The following NFASC variants were observed in gnomAD, a reference collection of about 807,000 sequenced individuals.
NFASC encodes neurofascin homolog.
In NFASC, 43 loss-of-function variants were observed where a neutral mutation model predicts 147.5. The observed-to-expected ratio is 0.29, with a 90% CI of 0.23 to 0.38. NFASC has a LOEUF of 0.38. NFASC is among the 10% of genes least tolerant of loss of function. The probability of loss-of-function intolerance (pLI) is 1.00; values close to 1 mark genes in which losing one functional copy is unlikely to be tolerated. For missense variants in NFASC, 1,320 were observed against 1,689.0 expected, an observed-to-expected ratio of 0.78 and a Z score of 3.83; for synonymous variants, 622 against 665.5, an observed-to-expected ratio of 0.93 and a Z score of 1.01.
At chr1:204,843,008 G>T (rs1268200371) in intron 1 of NFASC, among the ~76,000 whole-genome samples, 3 of 152,216 alleles carry the variant, frequency 2.0e-5, no homozygotes, top group Non-Finnish European at 4.4e-5. Context: ...TCAGGTGCTG[G>T]CTCCATTCTG....
chr1:204,923,304 A>G (rs1263321992), intron 2 of NFASC, among the ~76,000 whole-genome samples: 1 of 152,036 alleles, frequency 6.6e-6, no homozygotes, highest in Non-Finnish European at 1.5e-5. Context: ...AGCTGCCCCA[A>G]GCGTCTGCTC....
rs2096241158 is a variant in NFASC, at chr1:205,010,829, G to T, written c.3421+1141G>T. On this transcript the variant is annotated intron_variant, in intron 28 of 29. Transcript: ENST00000339876. This position sits in a 1 kb window ranked among gnomAD's most constrained non-coding sequence, Gnocchi z 4.1. The stretch of plus-strand genomic sequence containing the variant: ...GAGGCAGGAGAATCACTTGAACCTG[G>T]GAGGCAGAGGTTGCAGTGAGCCGAA... 6.6e-6 allele frequency: 1 copy of T among 150,498 alleles called. No individual in the cohort carries two copies. Among genetic ancestry groups the T allele is most frequent in the Non-Finnish European group, 1.5e-5 (1 of 67,560 alleles). The allele number at this position is 150,498 out of a possible 1,614,324, so 9.3% of individuals were successfully genotyped here.
intron 25 of NFASC, 143 bp downstream of exon 25, chr1:204,997,549 C>A: frequency 1.0e-6 from 1 of 975,988 alleles, no homozygotes; most frequent in Non-Finnish European, 1.6e-6. Context: ...CCTTTGGAAA[C>A]TCACCCGTGA....
chr1:204,913,733 G>A (rs1201115029), intron 1 of NFASC, among the ~76,000 whole-genome samples: 2 of 151,682 alleles, frequency 1.3e-5, no homozygotes, highest in Admixed American at 6.6e-5. Flanking sequence ...TTAAAAAATA[G>A]CCAGGTATGC....
intron 1 of NFASC, among the ~76,000 whole-genome samples, chr1:204,904,902 G>A (rs2085460808): frequency 6.6e-6 from 1 of 151,370 alleles, no homozygotes; most frequent in Non-Finnish European, 1.5e-5. Context: ...CCATCTGTTT[G>A]CTTACTTATT....
chr1:204,980,258 C>G lies in NFASC; in HGVS notation c.2177-112C>G, dbSNP rs186136421. 9.3e-4 allele frequency: 735 copies of G among 794,230 alleles called. 4 individuals are homozygous for G. The highest frequency in any genetic ancestry group is 3.9e-4 in the Non-Finnish European group (180 of 455,772). The allele number at this position is 794,230 out of a possible 1,614,324, so 49.2% of individuals were successfully genotyped here. A position where few individuals can be genotyped will look rare whatever the true frequency, so the allele number is the denominator to read the frequency against. Reference sequence around the variant, plus strand: ...CCAGACCAAGCGTATACATAGATGCCGAGGAAAGACAGAGCATAGAACAGA... The same window carrying G: ...CCAGACCAAGCGTATACATAGATGCGGAGGAAAGACAGAGCATAGAACAGA... On this transcript the variant is annotated intron_variant, in intron 19 of 29. Transcript: ENST00000339876.
At chr1:204,839,472 G>T (rs1168574731) in intron 1 of NFASC, among the ~76,000 whole-genome samples, 1 of 152,134 alleles carries the variant, frequency 6.6e-6, no homozygotes, top group African/African-American at 2.4e-5. Flanking sequence ...CTGCGGGTGG[G>T]ATGCAGGGTG....
chr1:204,852,676 G>A (rs1024135352), intron 1 of NFASC, among the ~76,000 whole-genome samples: 3 of 152,186 alleles, frequency 2.0e-5, no homozygotes, highest in African/African-American at 7.2e-5. Context: ...GGCCACATGG[G>A]CAGTATTCCC....
chr1:204,980,920 A>T (rs894211071), intron 20 of NFASC, among the ~76,000 whole-genome samples: 2 of 152,226 alleles, frequency 1.3e-5, no homozygotes, highest in African/African-American at 4.8e-5. Context: ...AGGTCATTCC[A>T]AAGACTCCCT....
chr1:204,835,213 CTTTTTTTTT>C (rs1001302661), intron 1 of NFASC, among the ~76,000 whole-genome samples: 3 of 80,586 alleles, frequency 3.7e-5, no homozygotes, highest in Non-Finnish European at 6.7e-5. Context: ...TGAGGTGGGT[CTTTTTTTTT>C]TTTTTTTTTT....
intron 1 of NFASC, among the ~76,000 whole-genome samples, chr1:204,886,524 A>G (rs1232681649): frequency 6.6e-6 from 1 of 152,168 alleles, no homozygotes; most frequent in Non-Finnish European, 1.5e-5. Flanking sequence ...AGCTTGTTCA[A>G]ACCTAGACTG....
In NFASC at chr1:205,020,695, G is replaced by A. The variant is rs2096394818; in HGVS notation, c.*4156G>A. The A allele has an allele frequency of 6.6e-6, 1 of 152,258 alleles. No homozygotes were observed. Among genetic ancestry groups the A allele is most frequent in the African/African-American group, 2.4e-5 (1 of 41,462 alleles). The allele number at this position is 152,258 out of a possible 1,614,324, so 9.4% of individuals were successfully genotyped here. ...ATTTGATGGAGGGAGCAGGGACATAGCACATTTTTGTCTGTCTTTGTGAGG... is the reference window on the plus strand; with the variant it reads ...ATTTGATGGAGGGAGCAGGGACATAACACATTTTTGTCTGTCTTTGTGAGG... On this transcript the variant is annotated 3_prime_UTR_variant, in exon 30 of 30. Transcript: ENST00000339876.
intron 24 of NFASC, among the ~76,000 whole-genome samples, chr1:204,996,089 G>T (rs1183270793): frequency 6.6e-6 from 1 of 152,074 alleles, no homozygotes; most frequent in African/African-American, 2.4e-5. Flanking sequence ...TGCGGGTAAG[G>T]ATAGGGCAGC....
intron 1 of NFASC, among the ~76,000 whole-genome samples, chr1:204,829,283 C>A (rs1671527355): frequency 6.6e-6 from 1 of 151,364 alleles, no homozygotes; most frequent in Admixed American, 6.6e-5. Flanking sequence ...TCTGTCCTCC[C>A]CTGGTTCCCC....
In NFASC at chr1:204,984,124, C is replaced by T. The variant is rs1401417539; in HGVS notation, c.2470+2104C>T. The T allele has an allele frequency of 3.1e-6, 5 of 1,613,302 alleles. No individual in the cohort carries two copies. The East Asian group carries it at 1.1e-4, about 36-fold the overall frequency. On this transcript the variant is annotated intron_variant, in intron 21 of 29. Coordinates refer to ENST00000339876, the MANE Select transcript of NFASC (RefSeq NM_001005388.3). The stretch of plus-strand genomic sequence containing the variant: ...GCGTCTACTCCGACACGGTCCAGGG[C>T]CAGCTCAGAGAGTACCGAGTGAGGA...
At chr1:204,919,216 G>T (rs9793674) in intron 1 of NFASC, among the ~76,000 whole-genome samples, 42,656 of 151,844 alleles carry the variant, frequency 0.28, 6,844 homozygotes, top group Non-Finnish European at 0.37. Flanking sequence ...GTGGAGATGG[G>T]GTTTCACTAT....
Position 204,988,671 on chromosome 1 carries a change from T to A in NFASC, c.2632T>A (p.Phe878Ile). Residue 878 changes from phenylalanine to isoleucine, a missense_variant, in exon 23 of 30, where the codon TTC becomes ATC. Phe to Ile is a conservative substitution (Grantham distance 21). This residue lies in a region of NFASC where 981 missense variants were observed against 1,289.5 expected (regional missense o/e 0.76). Coordinates refer to ENST00000339876, the MANE Select transcript of NFASC (RefSeq NM_001005388.3). Reference sequence around the variant, plus strand: ...AGTAGGAAAGCAGATAGTGGAAAACTTCTCTCCCAATCAGACCAAGTTCAC... The same window carrying A: ...AGTAGGAAAGCAGATAGTGGAAAACATCTCTCCCAATCAGACCAAGTTCAC... ...TKVGKQIVEN[F>I]SPNQTKFTVQ... 1 of 1,614,246 alleles carries A rather than the reference T, an allele frequency of 6.2e-7. No homozygotes were observed. The highest frequency in any genetic ancestry group is 2.2e-5 in the East Asian group (1 of 44,888).
rs192337138 is a variant in NFASC at position 204,988,340 on chromosome 1, G to A, written c.2594-293G>A. On this transcript the variant is annotated intron_variant, in intron 22 of 29. Coordinates refer to ENST00000339876, the MANE Select transcript of NFASC (RefSeq NM_001005388.3). ...GAAAGTGAAGAGTTTTGTCCTTGTT[G>A]AAAGGGCTTAAGAATATAAACGGAA... 1.0e-3 allele frequency among the ~76,000 whole-genome samples: 156 copies of A among 152,334 alleles called. 1 individual carries two copies. Among genetic ancestry groups the A allele is most frequent in the Non-Finnish European group, 1.9e-3 (131 of 68,024 alleles).
chr1:204,886,094 C>T (rs2081261872), intron 1 of NFASC, among the ~76,000 whole-genome samples: 1 of 152,208 alleles, frequency 6.6e-6, no homozygotes. Flanking sequence ...GCCGCCTAAT[C>T]AGGACAATAA....
Sources: allele counts gnomAD v4.1 joint callset (sites outside exome capture counted in the v4.1 genomes callset), GRCh38; gene constraint gnomAD v4.1.1; regional missense constraint gnomAD v4.1.1; non-coding constraint Gnocchi (gnomAD v3.1); transcripts MANE v1.5; gene names NCBI Gene and HGNC (gene_info 2026-07-23, HGNC 2026-07-21).